The following LIMCH1 variants were observed in gnomAD, a reference collection of about 807,000 sequenced individuals.
LIMCH1 encodes LIM and calponin homology domains-containing protein 1.
In LIMCH1, 113 loss-of-function variants were observed where a neutral mutation model predicts 176.5. That is an observed-to-expected ratio of 0.64 (90% CI 0.55 to 0.75). LIMCH1 has a LOEUF of 0.75. Among genes scored for constraint, LIMCH1 ranks in the 30% least tolerant of loss-of-function variants. The pLI is 0.00. For synonymous variants in LIMCH1, 619 were observed against 645.9 expected (o/e 0.96, Z 0.63); for missense variants, 1,674 against 1,814.9 (o/e 0.92, Z 1.41).
intron 13 of LIMCH1, among the ~76,000 whole-genome samples, chr4:41,634,820 G>A (rs865981717): frequency 6.6e-6 from 1 of 152,230 alleles, no homozygotes; most frequent in Non-Finnish European, 1.5e-5. Flanking sequence ...AGCTGCGTGA[G>A]TGGATCACAC....
At chr4:41,482,293 T>G (rs370211658) in intron 1 of LIMCH1, among the ~76,000 whole-genome samples, 136 of 152,212 alleles carry the variant, frequency 8.9e-4, no homozygotes, top group African/African-American at 3.2e-3. Flanking sequence ...TAGAGAGCCA[T>G]AGGATTGGAT....
At chr4:41,419,682 TC>T in intron 1 of LIMCH1, among the ~76,000 whole-genome samples, 1 of 26,352 alleles carries the variant, frequency 3.8e-5, no homozygotes, top group African/African-American at 2.1e-4. Context: ...CCTTCCTTCC[TC>T]CTTCCTTCCT....
At chr4:41,474,940 TA>T (rs2067508619) in intron 1 of LIMCH1, among the ~76,000 whole-genome samples, 1 of 151,858 alleles carries the variant, frequency 6.6e-6, no homozygotes, top group Non-Finnish European at 1.5e-5. Context: ...CACAACAGAT[TA>T]AAATGTGGTA....
intron 1 of LIMCH1, among the ~76,000 whole-genome samples, chr4:41,430,658 T>C (rs2061524363): frequency 6.6e-6 from 1 of 152,236 alleles, no homozygotes; most frequent in African/African-American, 2.4e-5. Context: ...AAATAGCTAC[T>C]AAATAATCTT....
intron 1 of LIMCH1, among the ~76,000 whole-genome samples, chr4:41,543,387 A>G (rs560733649): frequency 6.6e-6 from 1 of 152,348 alleles, no homozygotes; most frequent in East Asian, 1.9e-4. Context: ...CTGTGGAGAT[A>G]GTGTTTTTTC....
At chr4:41,476,080 T>C (rs924835401) in intron 1 of LIMCH1, among the ~76,000 whole-genome samples, 1 of 152,164 alleles carries the variant, frequency 6.6e-6, no homozygotes, top group African/African-American at 2.4e-5. Flanking sequence ...CAAGTGATCC[T>C]CCTGCCTCAG....
At chr4:41,592,338 G>T (rs955693714) in intron 1 of LIMCH1, among the ~76,000 whole-genome samples, 1 of 152,318 alleles carries the variant, frequency 6.6e-6, no homozygotes, top group Non-Finnish European at 1.5e-5. Context: ...ACAAATGATG[G>T]CTTATAAGCA....
At chr4:41,657,344 C>A (rs2094492965) in intron 18 of LIMCH1, among the ~76,000 whole-genome samples, 1 of 152,308 alleles carries the variant, frequency 6.6e-6, no homozygotes, top group African/African-American at 2.4e-5. Flanking sequence ...CTGAGTGTAT[C>A]CCTGCCAACT....
chr4:41,397,903 A>T (rs1320402295), intron 1 of LIMCH1, among the ~76,000 whole-genome samples: 2 of 152,074 alleles, frequency 1.3e-5, no homozygotes, highest in Non-Finnish European at 2.9e-5. Context: ...GGTGAATTAC[A>T]ATTTTTATAT....
chr4:41,694,461 A>G (rs371051410), intron 31 of LIMCH1, among the ~76,000 whole-genome samples: 2 of 152,190 alleles, frequency 1.3e-5, no homozygotes, highest in East Asian at 3.8e-4. Flanking sequence ...GTTGGTTTTT[A>G]TTTCACATAG....
At chr4:41,550,016 A>T (rs73146318) in intron 1 of LIMCH1, among the ~76,000 whole-genome samples, 56,712 of 151,400 alleles carry the variant, frequency 0.37, 15,211 homozygotes, top group African/African-American at 0.76. Context: ...ATGGCAAAAT[A>T]AAAAGTAATG....
At chr4:41,464,628 C>G (rs553841168) in intron 1 of LIMCH1, among the ~76,000 whole-genome samples, 6 of 152,042 alleles carry the variant, frequency 3.9e-5, no homozygotes, top group Non-Finnish European at 8.8e-5. Context: ...CCCCCCTCAG[C>G]CTCCCAAAGT....
intron 18 of LIMCH1, among the ~76,000 whole-genome samples, chr4:41,651,251 C>A (rs186454294): frequency 6.6e-6 from 1 of 152,110 alleles, no homozygotes; most frequent in African/African-American, 2.4e-5. Context: ...GTGATCCACC[C>A]ACCTCAGCCT....
chr4:41,634,123 G>T (rs909915700), intron 13 of LIMCH1, among the ~76,000 whole-genome samples: 2 of 152,150 alleles, frequency 1.3e-5, no homozygotes, highest in Non-Finnish European at 2.9e-5. Context: ...TGACTTACTT[G>T]ATTTCACTTT....
At chr4:41,534,335 A>G (rs1561661233), upstream of LIMCH1, among the ~76,000 whole-genome samples, 1 of 152,258 alleles carries the variant, frequency 6.6e-6, no homozygotes, top group Non-Finnish European at 1.5e-5. Context: ...GACACTGGCA[A>G]TGAAAAAAAT....
intron 1 of LIMCH1, among the ~76,000 whole-genome samples, chr4:41,375,462 C>T (rs2054596738): frequency 6.6e-6 from 1 of 151,980 alleles, no homozygotes; most frequent in Admixed American, 6.6e-5. Context: ...TCCTTTCTTC[C>T]CAATATATAT....
At position 41,682,411 on chromosome 4, in the gene LIMCH1, G is replaced by A; in HGVS notation, c.3796G>A (p.Asp1266Asn). ...GAAATCATTCCAGGGAGATGACAGT[G>A]ACTTATTGCTGAAGACTAGGGAAAG... ...WKKSFQGDDS[D>N]LLLKTRESDR... The change falls in exon 26 of 32, where the codon GAC becomes AAC. Residue 1266 changes from aspartate (D) to asparagine (N), a missense_variant. Asp to Asn is a conservative substitution (Grantham distance 23). Coordinates refer to ENST00000503057, the MANE Select transcript of LIMCH1 (RefSeq NM_001330672.2). 6.2e-7 allele frequency: 1 copy of A among 1,613,340 alleles called. No individual in the cohort carries two copies. The highest frequency in any genetic ancestry group is 1.1e-5 in the South Asian group (1 of 91,032).
chr4:41,436,683 T>C (rs1466042892), intron 1 of LIMCH1, among the ~76,000 whole-genome samples: 1 of 152,204 alleles, frequency 6.6e-6, no homozygotes, highest in Non-Finnish European at 1.5e-5. Context: ...TCCAAATTTC[T>C]GTGTGTACTC....
At chr4:41,497,518 G>A (rs955846605) in intron 2 of LIMCH1, among the ~76,000 whole-genome samples, 1 of 152,078 alleles carries the variant, frequency 6.6e-6, no homozygotes, top group Admixed American at 6.6e-5. Context: ...AAGTATTTAA[G>A]TTTGGCCGGG....
Sources: allele counts gnomAD v4.1 joint callset (sites outside exome capture counted in the v4.1 genomes callset), GRCh38; gene constraint gnomAD v4.1.1; transcripts MANE v1.5; gene names NCBI Gene and HGNC (gene_info 2026-07-23, HGNC 2026-07-21).